ZFHX3: variants seen among roughly 807,000 people sequenced by gnomAD.
ZFHX3 encodes zinc finger homeobox protein 3.
ZFHX3 carries 42 observed loss-of-function variants against 279.1 expected under a neutral mutation model. The observed-to-expected ratio is 0.15, with a 90% confidence interval of 0.12 to 0.19. The LOEUF (loss-of-function observed/expected upper bound fraction) is 0.19. ZFHX3 is among the 10% of genes least tolerant of loss of function. ZFHX3 has a pLI of 1.00. For missense variants in ZFHX3, 4,981 were observed against 4,754.0 expected, an observed-to-expected ratio of 1.05 and a Z score of -1.40; for synonymous variants, 2,293 against 1,957.8, an observed-to-expected ratio of 1.17 and a Z score of -4.52.
At chr16:73,189,966 A>G (rs1032491622) in intron 5 of ZFHX3, among the ~76,000 whole-genome samples, 1 of 152,226 alleles carries the variant, frequency 6.6e-6, no homozygotes, top group Non-Finnish European at 1.5e-5. Flanking sequence ...CTAAAAGTCT[A>G]AAGACACACA....
At chr16:73,238,863 C>T (rs983156504) in intron 5 of ZFHX3, among the ~76,000 whole-genome samples, 1 of 152,146 alleles carries the variant, frequency 6.6e-6, no homozygotes, top group East Asian at 1.9e-4. Flanking sequence ...CCTCGGCTTC[C>T]TTCATTTGAC....
chr16:73,591,672 G>T (rs1406793319), intron 2 of ZFHX3, among the ~76,000 whole-genome samples: 1 of 106,658 alleles, frequency 9.4e-6, no homozygotes, highest in Non-Finnish European at 1.7e-5. Context: ...CAGCCTGGGC[G>T]ACAGAGCGAG....
chr16:73,724,384 T>A (rs1417897986), intron 1 of ZFHX3, among the ~76,000 whole-genome samples: 1 of 152,196 alleles, frequency 6.6e-6, no homozygotes, highest in African/African-American at 2.4e-5. Flanking sequence ...TACCCACAGA[T>A]GAATTTTGTT....
intron 1 of ZFHX3, among the ~76,000 whole-genome samples, chr16:73,054,021 G>T (rs1179247334): frequency 6.6e-6 from 1 of 151,756 alleles, no homozygotes. Context: ...TGGAGGGAGG[G>T]GGGAGGAAAG....
chr16:72,905,818 A>AG (rs2039156027), intron 3 of ZFHX3, among the ~76,000 whole-genome samples: 1 of 152,204 alleles, frequency 6.6e-6, no homozygotes, highest in South Asian at 2.1e-4. Context: ...AGTCAGAATG[A>AG]GGGGGACATC....
chr16:73,766,953 C>T (rs2005100), intron 1 of ZFHX3, among the ~76,000 whole-genome samples: 17,380 of 83,410 alleles, frequency 0.21, 1,146 homozygotes, highest in Admixed American at 0.23. Context: ...TTTTTTTTTC[C>T]GAGATGGAGT....
chr16:72,914,476 C>A (rs2039392314), intron 3 of ZFHX3, among the ~76,000 whole-genome samples: 1 of 152,098 alleles, frequency 6.6e-6, no homozygotes, highest in Non-Finnish European at 1.5e-5. Context: ...CAATAAAGCT[C>A]AGAGGTCAGG....
chr16:73,573,185 GC>G (rs1458585962), intron 2 of ZFHX3, among the ~76,000 whole-genome samples: 1 of 152,146 alleles, frequency 6.6e-6, no homozygotes, highest in African/African-American at 2.4e-5. Context: ...TATTTAACCT[GC>G]CGCAGGCGCC....
chr16:73,069,000 A>G (rs1965791358), intron 8 of ZFHX3, among the ~76,000 whole-genome samples: 1 of 152,154 alleles, frequency 6.6e-6, no homozygotes, highest in African/African-American at 2.4e-5. Flanking sequence ...CACAAGGGGG[A>G]AGGGTGGTCA....
chr16:73,198,550 C>T (rs574725909), intron 5 of ZFHX3, among the ~76,000 whole-genome samples: 1 of 152,178 alleles, frequency 6.6e-6, no homozygotes, highest in Admixed American at 6.5e-5. Context: ...AAACAAAGGC[C>T]AGAAACTGCA....
intron 3 of ZFHX3, among the ~76,000 whole-genome samples, chr16:72,950,110 G>A: frequency 6.6e-6 from 1 of 150,810 alleles, no homozygotes; most frequent in African/African-American, 2.4e-5. Context: ...TAAAGAGATG[G>A]AAAAGGAGAA....
chr16:73,424,188 A>C (rs2017769313), intron 3 of ZFHX3, among the ~76,000 whole-genome samples: 1 of 152,156 alleles, frequency 6.6e-6, no homozygotes, highest in Non-Finnish European at 1.5e-5. Flanking sequence ...AAGCATACTG[A>C]CCAATAGAAA....
intron 3 of ZFHX3, among the ~76,000 whole-genome samples, chr16:73,349,425 C>T (rs1052514919): frequency 1.2e-4 from 19 of 152,166 alleles, no homozygotes; most frequent in African/African-American, 4.3e-4. Flanking sequence ...AGTGTGCTCT[C>T]GTAGGAGGTG....
intron 1 of ZFHX3, among the ~76,000 whole-genome samples, chr16:73,866,438 C>T (rs1410413854): frequency 6.6e-6 from 1 of 151,858 alleles, no homozygotes; most frequent in Non-Finnish European, 1.5e-5. Flanking sequence ...GCTGGGATTA[C>T]AGGTATGAGC....
chr16:72,996,820 G>A (rs191461252), intron 1 of ZFHX3, among the ~76,000 whole-genome samples: 1 of 152,344 alleles, frequency 6.6e-6, no homozygotes, highest in Non-Finnish European at 1.5e-5. Flanking sequence ...GGTCTGACCA[G>A]TACTCCGGAT....
intron 8 of ZFHX3, chr16:73,081,331 C>A (rs1354653472): frequency 6.6e-6 from 1 of 151,460 alleles, no homozygotes; most frequent in African/African-American, 2.4e-5. Context: ...CTGCTCTCTG[C>A]TCACCACAAT....
intron 5 of ZFHX3, chr16:73,257,008 A>G (rs1376653168): frequency 6.6e-6 from 1 of 152,148 alleles, no homozygotes; most frequent in African/African-American, 2.4e-5. Context: ...GCCAAAACAA[A>G]CACTAGAAAA....
At chr16:73,614,763 C>A (rs952141487) in intron 2 of ZFHX3, among the ~76,000 whole-genome samples, 1 of 151,470 alleles carries the variant, frequency 6.6e-6, no homozygotes, top group Admixed American at 6.6e-5. Flanking sequence ...CTTTTTCCTT[C>A]TTCTTCTTTT....
At chr16:72,829,985 G>C in intron 4 of ZFHX3, 126 bp from the exon 5 acceptor site, 1 of 962,540 alleles carries the variant, frequency 1.0e-6, no homozygotes, top group Non-Finnish European at 1.6e-6. Context: ...TCTCTTTCCA[G>C]AGGCCCCTGG....
Sources: gnomAD v4.1 joint callset for allele counts (sites outside exome capture counted in the v4.1 genomes callset) on GRCh38, gnomAD v4.1.1 for gene constraint, MANE v1.5 for transcripts, NCBI Gene and HGNC (gene_info 2026-07-23, HGNC 2026-07-21) for gene names.